Variants in NTMT1 observed in about 807,000 individuals in gnomAD.
NTMT1 encodes the protein N-terminal Xaa-Pro-Lys N-methyltransferase 1.
Under a neutral mutation model 17.5 loss-of-function variants are expected in NTMT1, and 8 were observed. The observed-to-expected ratio is 0.46, with a 90% confidence interval of 0.27 to 0.82. NTMT1 has a LOEUF of 0.82. NTMT1 is among the 40% of genes least tolerant of loss of function. The pLI, the probability that NTMT1 is intolerant of heterozygous loss-of-function variation, is 0.15. For missense variants in NTMT1, 221 were observed against 303.5 expected, an observed-to-expected ratio of 0.73 and a Z score of 2.02; for synonymous variants, 128 against 126.8, an observed-to-expected ratio of 1.01 and a Z score of -0.06.
At chr9:129,619,897 G>A (rs575982882) in intron 1 of NTMT1, 3 of 1,555,116 alleles carry the variant, frequency 1.9e-6, no homozygotes, top group African/African-American at 2.7e-5. Context: ...ATGTGGCCTC[G>A]GGGTGATGGC....
chr9:129,620,389 C>A lies in NTMT1; in HGVS notation c.-55+11211C>A, dbSNP rs1830630748. ...CCCCGGGCTTGGCGTCCCCTTCCGG[C>A]CACCACGCGGCGCCGCCCCCCGGGA... On this transcript the variant is annotated intron_variant, in intron 1 of 3. Coordinates refer to the NTMT1 transcript ENST00000372486. The surrounding 1 kb of genome is among the most constrained non-coding windows in gnomAD (Gnocchi z 5.8). 1 of 1,229,208 alleles carries A rather than the reference C, an allele frequency of 8.1e-7. No individual in the cohort carries two copies. Among genetic ancestry groups the A allele is most frequent in the Non-Finnish European group, 1.0e-6 (1 of 987,012 alleles). 76.1% of individuals were successfully genotyped at this position (1,229,208 alleles called of 1,614,324 possible). A position where few individuals can be genotyped will look rare whatever the true frequency, so the allele number is the denominator to read the frequency against.
chr9:129,612,295 C>T (rs1038087427), intron 1 of NTMT1: 5 of 1,472,920 alleles, frequency 3.4e-6, no homozygotes, highest in South Asian at 1.2e-5. Flanking sequence ...CAAGGAAGGA[C>T]GCTCCTCATT....
At position 129,615,350 on chromosome 9, in the gene NTMT1, A is replaced by G. The variant is rs1830311527; in HGVS notation, c.-55+6172A>G. The G allele has an allele frequency of 4.1e-6, 4 of 986,508 alleles. No homozygotes were observed. In the South Asian group the frequency reaches 7.5e-5, roughly 18 times the overall value. The allele number at this position is 986,508 out of a possible 1,614,324, so 61.1% of individuals were successfully genotyped here. On this transcript the variant is annotated intron_variant, in intron 1 of 3. Transcript: ENST00000372486. ...CCTCCAAGGAGGCCAGTTCAGGCAC[A>G]TCCTCTGCAGGATCACTGATCTCTT...
intron 3 of NTMT1, chr9:129,634,612 A>G (rs1017198698): frequency 1.5e-5 from 5 of 326,896 alleles, no homozygotes; most frequent in South Asian, 6.2e-5. Context: ...GAGGAGTTTT[A>G]TAAGGGTTTT....
At position 129,620,305 on chromosome 9, in the gene NTMT1, G is replaced by C. The variant is rs1470523296; in HGVS notation, c.-55+11127G>C. The C allele has an allele frequency of 2.4e-6, 3 of 1,247,282 alleles. No homozygotes were observed. Among genetic ancestry groups the C allele is most frequent in the Non-Finnish European group, 3.0e-6 (3 of 993,300 alleles). 77.3% of individuals were successfully genotyped at this position (1,247,282 alleles called of 1,614,324 possible). ...ACCGCAGCAGCCCCCGCTTCCGCAC[G>C]GCCCGCCGGGTCGCGGTGAGCAAGG... is the stretch of plus-strand genomic sequence containing the variant. On this transcript the variant is annotated intron_variant, in intron 1 of 3. Coordinates refer to the NTMT1 transcript ENST00000372486. This position sits in a 1 kb window ranked among gnomAD's most constrained non-coding sequence, Gnocchi z 5.8.
upstream of NTMT1, among the ~76,000 whole-genome samples, chr9:129,622,619 A>G (rs1248602048): frequency 6.6e-6 from 1 of 152,212 alleles, no homozygotes; most frequent in Non-Finnish European, 1.5e-5. Context: ...ACACACACAT[A>G]TCTATAAATA....
At chr9:129,623,867 C>G (rs1489834860), upstream of NTMT1, among the ~76,000 whole-genome samples, 1 of 128,760 alleles carries the variant, frequency 7.8e-6, no homozygotes, top group Non-Finnish European at 1.6e-5. Flanking sequence ...GATCTCAGCT[C>G]ACTGCAAGCT....
intron 1 of NTMT1, chr9:129,619,499 CT>C: frequency 6.4e-7 from 1 of 1,573,238 alleles, no homozygotes; most frequent in Non-Finnish European, 8.7e-7. Flanking sequence ...CTACCCTACC[CT>C]TATCCCGCCC....
chr9:129,635,598 C>A lies in NTMT1; in HGVS notation c.*134C>A. ...TAAATATAGCTGTCTGCCGTCCACT[C>A]ATTATGCGGGCTCTTCTTCAAAAGG... is the stretch of plus-strand genomic sequence containing the variant. On this transcript the variant is annotated 3_prime_UTR_variant, in exon 4 of 4. Transcript: ENST00000372483. 2 of 1,111,424 alleles carry A rather than the reference C, an allele frequency of 1.8e-6. No homozygotes were observed. Among genetic ancestry groups the A allele is most frequent in the Non-Finnish European group, 2.6e-6 (2 of 778,804 alleles). The allele number at this position is 1,111,424 out of a possible 1,614,324, so 68.8% of individuals were successfully genotyped here.
intron 1 of NTMT1, among the ~76,000 whole-genome samples, chr9:129,627,267 G>A (rs1240220241): frequency 6.6e-6 from 1 of 152,174 alleles, no homozygotes; most frequent in Non-Finnish European, 1.5e-5. Flanking sequence ...ATAGGCAGAG[G>A]AAGCTCACTC....
At chr9:129,619,910 A>G (rs1830591007) in intron 1 of NTMT1, 1 of 1,526,654 alleles carries the variant, frequency 6.6e-7, no homozygotes, top group Admixed American at 1.7e-5. Context: ...GTGATGGCAG[A>G]CCAGCCCTCA....
rs983451655 is a variant in NTMT1 at position 129,614,046 on chromosome 9, C to T, written c.-55+4868C>T. ...AAAGGGCTGGGAAGCAGCAGGCTGG[C>T]CCCCACGTCTCCTGGGCACCCTGCT... On this transcript the variant is annotated intron_variant, in intron 1 of 3. Transcript: ENST00000372486. The surrounding 1 kb of genome is among the most constrained non-coding windows in gnomAD (Gnocchi z 4.4). Among the ~76,000 whole-genome samples, 1 of 152,184 alleles carries T rather than the reference C, an allele frequency of 6.6e-6. No homozygotes were observed. The highest frequency in any genetic ancestry group is 1.5e-5 in the Non-Finnish European group (1 of 68,026).
chr9:129,634,960 T>G (rs3088095), intron 3 of NTMT1: 2 of 523,950 alleles, frequency 3.8e-6, no homozygotes, highest in Non-Finnish European at 6.8e-6. Flanking sequence ...AGGCAGGACT[T>G]GTAAGCCATC....
At chr9:129,619,698 G>A (rs1204094597) in intron 1 of NTMT1, 3 of 1,612,140 alleles carry the variant, frequency 1.9e-6, no homozygotes, top group Admixed American at 3.3e-5. Context: ...TGGAAACATC[G>A]ATGGCAACCC....
At chr9:129,629,962 A>C (rs1321277012) in intron 1 of NTMT1, among the ~76,000 whole-genome samples, 1 of 152,138 alleles carries the variant, frequency 6.6e-6, no homozygotes, top group African/African-American at 2.4e-5. Flanking sequence ...AGAGAAGTTT[A>C]AGCAGGCTTC....
upstream of NTMT1, among the ~76,000 whole-genome samples, chr9:129,623,597 C>G (rs949229106): frequency 6.6e-6 from 1 of 152,058 alleles, no homozygotes; most frequent in Non-Finnish European, 1.5e-5. Flanking sequence ...AATGAAGAAA[C>G]GACTTTGTAA....
At chr9:129,616,663 G>A (rs1391607469) in intron 1 of NTMT1, among the ~76,000 whole-genome samples, 1 of 152,180 alleles carries the variant, frequency 6.6e-6, no homozygotes, top group East Asian at 1.9e-4. Flanking sequence ...TCCTGGGTTT[G>A]GTGAGTATCA....
chr9:129,618,008 C>A (rs1830479362), intron 1 of NTMT1, among the ~76,000 whole-genome samples: 1 of 152,102 alleles, frequency 6.6e-6, no homozygotes, highest in African/African-American at 2.4e-5. Context: ...TAGTTCCTAC[C>A]CTGATCCATC....
At chr9:129,623,088 C>T (rs1830785876), upstream of NTMT1, among the ~76,000 whole-genome samples, 1 of 151,442 alleles carries the variant, frequency 6.6e-6, no homozygotes, top group Non-Finnish European at 1.5e-5. Flanking sequence ...AATCCCAGCA[C>T]TTTGAGAGGA....
Sources: gnomAD v4.1 joint callset for allele counts (sites outside exome capture counted in the v4.1 genomes callset) on GRCh38, gnomAD v4.1.1 for gene constraint, Gnocchi (gnomAD v3.1) non-coding constraint, MANE v1.5 for transcripts, NCBI Gene and HGNC (gene_info 2026-07-23, HGNC 2026-07-21) for gene names.